ELP4: variants seen among roughly 807,000 people sequenced by gnomAD.
ELP4 encodes the protein elongator complex protein 4.
In ELP4, 51 loss-of-function variants were observed where a neutral mutation model predicts 48.9. The observed-to-expected ratio is 1.04, with a 90% confidence interval of 0.83 to 1.32. The LOEUF is 1.32. Ranked by LOEUF, ELP4 falls within the 40% of genes most tolerant of loss-of-function variation. ELP4 has a pLI of 0.00. For synonymous variants in ELP4, 210 were observed against 189.2 expected (o/e 1.11, Z -0.90); for missense variants, 519 against 514.6 (o/e 1.01, Z -0.08).
chr11:31,756,404 C>A (rs1947832530), intron 9 of ELP4, among the ~76,000 whole-genome samples: 1 of 152,138 alleles, frequency 6.6e-6, no homozygotes, highest in Admixed American at 6.5e-5. Context: ...CCATTCATAC[C>A]AAACAACCCA....
At chr11:31,617,729 TA>T (rs67907172) in intron 5 of ELP4, among the ~76,000 whole-genome samples, 127,856 of 140,374 alleles carry the variant, frequency 0.91, 58,836 homozygotes, top group South Asian at 0.99. Flanking sequence ...AAAAAAAAGT[TA>T]AAAAAAAAAA....
intron 9 of ELP4, among the ~76,000 whole-genome samples, chr11:31,671,055 G>C (rs1238857463): frequency 1.3e-5 from 2 of 151,896 alleles, no homozygotes; most frequent in Non-Finnish European, 2.9e-5. Context: ...ATAGAGGTAA[G>C]GTAATACCTA....
chr11:31,773,729 C>T (rs1278919414), intron 9 of ELP4, among the ~76,000 whole-genome samples: 2 of 152,194 alleles, frequency 1.3e-5, no homozygotes, highest in Non-Finnish European at 2.9e-5. Flanking sequence ...GTTTCTGTTC[C>T]ATTTTTTTAA....
chr11:31,739,177 T>C (rs1221002468), intron 9 of ELP4, among the ~76,000 whole-genome samples: 1 of 151,854 alleles, frequency 6.6e-6, no homozygotes, highest in Non-Finnish European at 1.5e-5. Context: ...CAGATTTGTA[T>C]TGAAAAAGAC....
chr11:31,602,570 A>C (rs1957802767), intron 4 of ELP4, among the ~76,000 whole-genome samples: 1 of 151,956 alleles, frequency 6.6e-6, no homozygotes, highest in Admixed American at 6.6e-5. Flanking sequence ...ACAGACTCTG[A>C]ATCTGAAAAA....
At chr11:31,600,024 G>T (rs1169291453) in intron 4 of ELP4, 1 of 152,120 alleles carries the variant, frequency 6.6e-6, no homozygotes, top group Non-Finnish European at 1.5e-5. Context: ...TCAAAAGTAG[G>T]TGTATTGATT....
chr11:31,535,239 C>T (rs1956480830), intron 2 of ELP4, among the ~76,000 whole-genome samples: 1 of 152,152 alleles, frequency 6.6e-6, no homozygotes, highest in African/African-American at 2.4e-5. Context: ...ATCTAAACAA[C>T]TCACCACCTG....
At chr11:31,633,853 A>T (rs993935727) in intron 7 of ELP4, 2 of 152,020 alleles carry the variant, frequency 1.3e-5, no homozygotes, top group Non-Finnish European at 2.9e-5. Context: ...TATGTCCTTG[A>T]ATCTTCAGTG....
chr11:31,603,721 G>C (rs764446036), intron 4 of ELP4, 47 bp from the exon 5 acceptor site: 2 of 1,573,476 alleles, frequency 1.3e-6, no homozygotes, highest in Admixed American at 3.7e-5. Flanking sequence ...ATAAATTATA[G>C]CTTAAAAATA....
At chr11:31,601,931 C>G (rs1957791836) in intron 4 of ELP4, among the ~76,000 whole-genome samples, 1 of 152,052 alleles carries the variant, frequency 6.6e-6, no homozygotes, top group African/African-American at 2.4e-5. Flanking sequence ...AGTTTGTAGG[C>G]ACTCTGCTTA....
At chr11:31,658,443 T>C (rs1396428481) in intron 9 of ELP4, among the ~76,000 whole-genome samples, 1 of 151,604 alleles carries the variant, frequency 6.6e-6, no homozygotes, top group Non-Finnish European at 1.5e-5. Context: ...AGTAATATGG[T>C]AGGTTTTTAT....
At chr11:31,670,783 A>G (rs1215204743) in intron 9 of ELP4, among the ~76,000 whole-genome samples, 1 of 152,046 alleles carries the variant, frequency 6.6e-6, no homozygotes, top group Admixed American at 6.5e-5. Context: ...TTAGAAAAGT[A>G]TAATTATTTC....
At chr11:31,751,777 C>G (rs578250717) in intron 9 of ELP4, among the ~76,000 whole-genome samples, 1 of 152,258 alleles carries the variant, frequency 6.6e-6, no homozygotes, top group South Asian at 2.1e-4. Context: ...TTCCCTGTCT[C>G]AATGCCTGGT....
intron 9 of ELP4, among the ~76,000 whole-genome samples, chr11:31,683,087 C>G (rs534249321): frequency 6.6e-6 from 1 of 152,054 alleles, no homozygotes; most frequent in Non-Finnish European, 1.5e-5. Flanking sequence ...CTCTCCTCCC[C>G]ACAAAGCCCA....
intron 3 of ELP4, among the ~76,000 whole-genome samples, chr11:31,564,620 A>T (rs2996465): frequency 0.36 from 54,720 of 151,860 alleles, 12,133 homozygotes; most frequent in African/African-American, 0.63. Flanking sequence ...TGAGTGAGAA[A>T]ATGCGGTGTT....
intron 9 of ELP4, among the ~76,000 whole-genome samples, chr11:31,706,640 C>G (rs1215333374): frequency 6.8e-6 from 1 of 147,410 alleles, no homozygotes; most frequent in Admixed American, 6.8e-5. Flanking sequence ...TATATTTTAA[C>G]TTTTATCTAA....
intron 9 of ELP4, among the ~76,000 whole-genome samples, chr11:31,780,431 C>G (rs762864484): frequency 3.1e-4 from 47 of 152,186 alleles, no homozygotes; most frequent in Non-Finnish European, 6.2e-4. Flanking sequence ...TAATAATCAA[C>G]AAAAGCAGGC....
At chr11:31,571,413 T>C (rs917771637) in intron 3 of ELP4, among the ~76,000 whole-genome samples, 5 of 152,212 alleles carry the variant, frequency 3.3e-5, no homozygotes, top group African/African-American at 1.2e-4. Flanking sequence ...GTTCTCTTGC[T>C]CTTTCTATCA....
intron 9 of ELP4, among the ~76,000 whole-genome samples, chr11:31,743,480 T>A (rs1947506256): frequency 6.6e-6 from 1 of 152,048 alleles, no homozygotes; most frequent in African/African-American, 2.4e-5. Context: ...ACTCCAAAAT[T>A]GACCACATAG....
Sources: gnomAD v4.1 joint callset for allele counts (sites outside exome capture counted in the v4.1 genomes callset) on GRCh38, gnomAD v4.1.1 for gene constraint, MANE v1.5 for transcripts, NCBI Gene and HGNC (gene_info 2026-07-23, HGNC 2026-07-21) for gene names.